The following HEATR4 variants were observed in gnomAD, a reference collection of about 807,000 sequenced individuals.
HEATR4 encodes the protein HEAT repeat-containing protein 4.
Under a neutral mutation model 108.8 loss-of-function variants are expected in HEATR4, and 95 were observed. The observed-to-expected ratio is 0.87, with a 90% confidence interval of 0.74 to 1.04. The LOEUF (loss-of-function observed/expected upper bound fraction) is 1.04. Ranked by LOEUF, HEATR4 falls within the 50% of genes least tolerant of loss-of-function variation. The probability of loss-of-function intolerance (pLI) is 0.00; values close to 1 mark genes in which losing one functional copy is unlikely to be tolerated. For synonymous variants in HEATR4, 443 were observed against 459.4 expected, an observed-to-expected ratio of 0.96 and a Z score of 0.46; for missense variants, 1,152 against 1,253.8, an observed-to-expected ratio of 0.92 and a Z score of 1.23.
At chr14:73,504,537 C>T (rs1396508505) in intron 10 of HEATR4, among the ~76,000 whole-genome samples, 3 of 152,080 alleles carry the variant, frequency 2.0e-5, no homozygotes, top group African/African-American at 2.4e-5. Flanking sequence ...CCACTGTGCC[C>T]GGCCGATTTT....
At chr14:73,494,192 C>T (rs568873378) in intron 16 of HEATR4, among the ~76,000 whole-genome samples, 1 of 152,314 alleles carries the variant, frequency 6.6e-6, no homozygotes, top group East Asian at 1.9e-4. Context: ...TGAATATTCT[C>T]ATGGTTGGTG....
At chr14:73,493,198 A>G (rs1053686557) in intron 16 of HEATR4, 74 bp from the exon 17 acceptor site, 7 of 1,196,142 alleles carry the variant, frequency 5.9e-6, no homozygotes, top group African/African-American at 1.5e-5. Flanking sequence ...CAGAGCACCA[A>G]CTTCATCACC....
chr14:73,590,022 T>C, the HEATR4 span, among the ~76,000 whole-genome samples: 26 of 152,114 alleles, frequency 1.7e-4, no homozygotes, highest in Non-Finnish European at 8.8e-5. Flanking sequence ...ACAACAGCAG[T>C]GCGGGCCCAA....
At chr14:73,486,935 G>A (rs79540296) in intron 17 of HEATR4, among the ~76,000 whole-genome samples, 6,664 of 152,104 alleles carry the variant, frequency 0.044, 187 homozygotes, top group Non-Finnish European at 0.064. Context: ...TTCTGTAGAA[G>A]TTTCTCTGAA....
At chr14:73,509,243 G>T in intron 8 of HEATR4, 69 bp downstream of exon 8, 1 of 1,444,506 alleles carries the variant, frequency 6.9e-7, no homozygotes, top group Non-Finnish European at 9.7e-7. Flanking sequence ...GAGAGGAAAG[G>T]ACTGGGAAAG....
the HEATR4 span, among the ~76,000 whole-genome samples, chr14:73,606,997 C>T: frequency 7.9e-5 from 12 of 152,264 alleles, no homozygotes; most frequent in Admixed American, 1.3e-4. Context: ...GTGGTTACAA[C>T]GTCAAGCTCT....
At chr14:73,615,015 G>A in the HEATR4 span, among the ~76,000 whole-genome samples, 1 of 150,852 alleles carries the variant, frequency 6.6e-6, no homozygotes. Context: ...CTTGAACCCA[G>A]GGGGCAGAGG....
chr14:73,526,067 C>A (rs1188242402), intron 2 of HEATR4, among the ~76,000 whole-genome samples: 1 of 152,150 alleles, frequency 6.6e-6, no homozygotes, highest in African/African-American at 2.4e-5. Context: ...AAAGACGGTC[C>A]TGCATCGCCT....
the HEATR4 span, among the ~76,000 whole-genome samples, chr14:73,564,413 C>T: frequency 4.0e-5 from 6 of 151,482 alleles, no homozygotes; most frequent in Non-Finnish European, 7.4e-5. Context: ...AGTTCGAGAC[C>T]AGGCAACATA....
the HEATR4 span, among the ~76,000 whole-genome samples, chr14:73,586,928 C>A: frequency 6.6e-6 from 1 of 152,010 alleles, no homozygotes; most frequent in Admixed American, 6.6e-5. Context: ...TGGTTTCAAA[C>A]TTCTGGTCTC....
the HEATR4 span, among the ~76,000 whole-genome samples, chr14:73,603,974 T>G: frequency 6.6e-6 from 1 of 152,082 alleles, no homozygotes; most frequent in African/African-American, 2.4e-5. Flanking sequence ...CCTCATGATG[T>G]GCCTGCCTTG....
the HEATR4 span, among the ~76,000 whole-genome samples, chr14:73,618,632 A>G: frequency 6.6e-6 from 1 of 150,470 alleles, no homozygotes; most frequent in East Asian, 2.0e-4. Context: ...AGAAAATAAT[A>G]TACTGTATTT....
At chr14:73,617,287 A>G in the HEATR4 span, 1 of 1,525,286 alleles carries the variant, frequency 6.6e-7, no homozygotes. Flanking sequence ...AGAACTAGAA[A>G]CATGCCAGGA....
chr14:73,618,217 TATC>T, the HEATR4 span, among the ~76,000 whole-genome samples: 3 of 152,170 alleles, frequency 2.0e-5, no homozygotes, highest in Admixed American at 1.3e-4. Flanking sequence ...TACTCTTTGT[TATC>T]ATCCAGGTTT....
the HEATR4 span, among the ~76,000 whole-genome samples, chr14:73,566,719 C>G: frequency 2.0e-5 from 3 of 152,016 alleles, no homozygotes; most frequent in Non-Finnish European, 4.4e-5. Context: ...GCCTCTCCCT[C>G]CACACCTCCC....
intron 14 of HEATR4, among the ~76,000 whole-genome samples, chr14:73,497,242 G>A (rs957124873): frequency 2.0e-5 from 3 of 152,128 alleles, no homozygotes; most frequent in African/African-American, 7.2e-5. Context: ...GTTTCACCAT[G>A]TTGGCCAGGC....
At chr14:73,607,053 T>G in the HEATR4 span, among the ~76,000 whole-genome samples, 1 of 152,194 alleles carries the variant, frequency 6.6e-6, no homozygotes. Context: ...GGCTCACGCC[T>G]GTAATCCCAG....
At chr14:73,601,991 A>C in the HEATR4 span, among the ~76,000 whole-genome samples, 1 of 150,628 alleles carries the variant, frequency 6.6e-6, no homozygotes, top group Non-Finnish European at 1.5e-5. Context: ...CCCAGGCTGG[A>C]GTGCAGTGGT....
chr14:73,606,388 A>AC, the HEATR4 span, among the ~76,000 whole-genome samples: 760 of 61,432 alleles, frequency 0.012, 8 homozygotes, highest in African/African-American at 0.028. Context: ...ACAAAACAAA[A>AC]AAAAAAAAAA....
Sources: gnomAD v4.1 joint callset for allele counts (sites outside exome capture counted in the v4.1 genomes callset) on GRCh38, gnomAD v4.1.1 for gene constraint, MANE v1.5 for transcripts, NCBI Gene and HGNC (gene_info 2026-07-23, HGNC 2026-07-21) for gene names.